Variants in ANKRD30A observed in about 807,000 individuals in gnomAD.
ANKRD30A encodes ankyrin repeat domain 30A.
ANKRD30A carries 170 observed loss-of-function variants against 166.3 expected under a neutral mutation model. The ratio of observed to expected loss-of-function variants is 1.02; its 90% CI spans 0.90 to 1.16. ANKRD30A has a LOEUF of 1.16. Ranked by LOEUF, ANKRD30A falls within the 50% of genes most tolerant of loss-of-function variation. The pLI is 0.00. For synonymous variants in ANKRD30A, 564 were observed against 508.9 expected, an observed-to-expected ratio of 1.11 and a Z score of -1.46; for missense variants, 1,630 against 1,518.0, an observed-to-expected ratio of 1.07 and a Z score of -1.23.
chr10:37,226,606 T>C (rs991138331), intron 34 of ANKRD30A, among the ~76,000 whole-genome samples: 4 of 151,890 alleles, frequency 2.6e-5, no homozygotes, highest in South Asian at 2.1e-4. Context: ...TTGATAGATC[T>C]TTAGGTTGTT....
intron 8 of ANKRD30A, among the ~76,000 whole-genome samples, chr10:37,146,168 G>T (rs957056219): frequency 1.3e-5 from 2 of 152,172 alleles, no homozygotes; most frequent in African/African-American, 4.8e-5. Context: ...GACAAAAAAA[G>T]ACTTTCTAAT....
the ANKRD30A span, among the ~76,000 whole-genome samples, chr10:37,260,905 G>A: frequency 1.3e-5 from 2 of 151,964 alleles, no homozygotes; most frequent in African/African-American, 4.8e-5. Context: ...GAGAAGGGAG[G>A]GAGAGAAAAA....
chr10:37,157,291 T>C (rs1295790904), intron 13 of ANKRD30A, among the ~76,000 whole-genome samples: 1 of 152,232 alleles, frequency 6.6e-6, no homozygotes, highest in Non-Finnish European at 1.5e-5. Context: ...AACTGTTATT[T>C]TGAATAAGCA....
At position 37,219,246 on chromosome 10, in the gene ANKRD30A, C is replaced by G. The variant is rs1342042382; in HGVS notation, c.3534C>G (p.Leu1178=). ...LKVLIAENTM[L]TSKLKEKQDK... ...TTCTGATAGCTGAGAACACAATGCT[C>G]ACTTCTAAATTGAAGGAAAAACAAG... The change falls in exon 34 of 36, where the codon CTC becomes CTG. Residue 1178 remains leucine (L), a synonymous_variant. Coordinates refer to ENST00000361713, the MANE Select transcript of ANKRD30A (RefSeq NM_052997.3). 1.9e-5 allele frequency: 30 copies of G among 1,610,398 alleles called. No homozygotes were observed. Among genetic ancestry groups the G allele is most frequent in the Non-Finnish European group, 2.5e-5 (30 of 1,177,620 alleles).
the ANKRD30A span, chr10:37,241,016 G>A: frequency 1.3e-5 from 2 of 151,938 alleles, no homozygotes; most frequent in African/African-American, 4.8e-5. Flanking sequence ...CACAACTACG[G>A]GTGAGTTTTA....
At chr10:37,200,990 A>G (rs561420185) in intron 30 of ANKRD30A, among the ~76,000 whole-genome samples, 2 of 152,158 alleles carry the variant, frequency 1.3e-5, no homozygotes, top group African/African-American at 2.4e-5. Context: ...TTTCGTGTAT[A>G]TGATTTGTTT....
downstream of ANKRD30A, among the ~76,000 whole-genome samples, chr10:37,236,827 G>T (rs1038911780): frequency 3.9e-5 from 6 of 152,164 alleles, no homozygotes; most frequent in African/African-American, 1.4e-4. Context: ...GGTAAGCCAA[G>T]TCCTATTTGG....
In ANKRD30A at chr10:37,162,666, T is replaced by C; in HGVS notation, c.1918T>C (p.Ser640Pro). 2 of 1,612,434 alleles carry C rather than the reference T, an allele frequency of 1.2e-6. No individual in the cohort carries two copies. Among genetic ancestry groups the C allele is most frequent in the South Asian group, 1.1e-5 (1 of 91,012 alleles). ...TFKAEPPGKPSAFEPATEMQK... is the reference protein window; with the variant it reads ...TFKAEPPGKPPAFEPATEMQK... ...CTTTTTAGAGCCTCCGGGGAAGCCA[T>C]CTGCCTTCGAGGTATTTAGTTTTAT... Residue 640 changes from serine (S) to proline (P), a missense_variant, in exon 16 of 36, where the codon TCT (serine) becomes CCT (proline). This residue lies in a region of ANKRD30A where 904 missense variants were observed against 818.5 expected (regional missense o/e 1.10). Transcript: ENST00000361713.
At position 37,145,053 on chromosome 10, in the gene ANKRD30A, T is replaced by C; in HGVS notation, c.1452T>C (p.Ser484=). 1 of 1,589,148 alleles carries C rather than the reference T, an allele frequency of 6.3e-7. No individual in the cohort carries two copies. The highest frequency in any genetic ancestry group is 8.6e-7 in the Non-Finnish European group (1 of 1,166,640). ...AAGATGAAGAATATTCTTGTGATTC[T>C]CGGGTATTGTGTATTATTGATGTTA... The part of the protein sequence containing the change: ...QEEDEEYSCD[S]RSLFESSAKI... The change falls in exon 8 of 36, where the codon TCT becomes TCC. Residue 484 remains serine, a synonymous_variant. Coordinates refer to ENST00000361713, the MANE Select transcript of ANKRD30A (RefSeq NM_052997.3).
At chr10:37,196,328 T>A (rs535244083) in intron 27 of ANKRD30A, among the ~76,000 whole-genome samples, 1 of 152,222 alleles carries the variant, frequency 6.6e-6, no homozygotes. Context: ...TAGGTTTTTC[T>A]GTTACAATGA....
chr10:37,138,300 A>G (rs1282073311), intron 6 of ANKRD30A, among the ~76,000 whole-genome samples: 3 of 152,190 alleles, frequency 2.0e-5, no homozygotes, highest in African/African-American at 4.8e-5. Flanking sequence ...GAAAAACTGG[A>G]AACTCTAAAA....
chr10:37,217,359 C>T (rs1456682297), intron 32 of ANKRD30A, among the ~76,000 whole-genome samples: 1 of 150,936 alleles, frequency 6.6e-6, no homozygotes, highest in East Asian at 1.9e-4. Context: ...AATCTGTCCT[C>T]ATTGAGGAGT....
intron 13 of ANKRD30A, among the ~76,000 whole-genome samples, chr10:37,157,509 G>A (rs997802256): frequency 2.6e-5 from 4 of 152,156 alleles, no homozygotes; most frequent in Non-Finnish European, 4.4e-5. Flanking sequence ...GGGTTTACAG[G>A]CATGTACCAC....
intron 32 of ANKRD30A, 22 bp from the exon 33 acceptor site, chr10:37,217,673 A>T: frequency 6.7e-7 from 1 of 1,486,682 alleles, no homozygotes; most frequent in Non-Finnish European, 9.0e-7. Context: ...ATGAATTTTA[A>T]GATAAGTATG....
chr10:37,201,197 T>C (rs1324125247), intron 30 of ANKRD30A, 38 bp from the exon 31 acceptor site: 1 of 1,429,046 alleles, frequency 7.0e-7, no homozygotes, highest in Non-Finnish European at 9.4e-7. Flanking sequence ...TATTAGGATT[T>C]TTCCATTGAA....
chr10:37,217,962 A>G, intron 33 of ANKRD30A, 84 bp downstream of exon 33: 2 of 1,008,960 alleles, frequency 2.0e-6, no homozygotes, highest in Non-Finnish European at 2.7e-6. Context: ...TTTAGTATGT[A>G]TTATTCAGGT....
rs541369754 is a variant in ANKRD30A, at chr10:37,192,050, T to C, written c.2513-1014T>C. ...ACTTTCACATTACATGTTTTTTCTT[T>C]TTTAGAGACAGAGTCTCGCTCTGTC... On this transcript the variant is annotated intron_variant, in intron 25 of 35. Coordinates refer to ENST00000361713, the MANE Select transcript of ANKRD30A (RefSeq NM_052997.3). 2.7e-4 allele frequency among the ~76,000 whole-genome samples: 41 copies of C among 152,162 alleles called. 1 individual carries two copies. In the South Asian group the frequency reaches 8.5e-3, roughly 32 times the overall value.
chr10:37,159,792 T>A (rs1457738507), intron 15 of ANKRD30A, among the ~76,000 whole-genome samples: 2 of 152,156 alleles, frequency 1.3e-5, no homozygotes, highest in Non-Finnish European at 2.9e-5. Context: ...CCTCCCGGGT[T>A]CACGCCATTC....
chr10:37,139,253 G>T (rs1836936025), intron 6 of ANKRD30A, among the ~76,000 whole-genome samples: 1 of 152,232 alleles, frequency 6.6e-6, no homozygotes, highest in Non-Finnish European at 1.5e-5. Flanking sequence ...CACATAACCA[G>T]ATACTGATAT....
Sources: gnomAD v4.1 joint callset for allele counts (sites outside exome capture counted in the v4.1 genomes callset) on GRCh38, gnomAD v4.1.1 for gene constraint, gnomAD v4.1.1 regional missense constraint, MANE v1.5 for transcripts, NCBI Gene and HGNC (gene_info 2026-07-23, HGNC 2026-07-21) for gene names.